Variants in SYNE1 observed in about 807,000 individuals in gnomAD.
The protein encoded by SYNE1 is spectrin repeat containing nuclear envelope protein 1, also known as nesprin-1.
SYNE1 carries 616 observed loss-of-function variants against 1,111.0 expected under a neutral mutation model. The observed-to-expected ratio is 0.55, with a 90% CI of 0.52 to 0.59. The LOEUF is 0.59. Ranked by LOEUF, SYNE1 falls within the 20% of genes least tolerant of loss-of-function variation. The pLI is 0.00. For missense variants in SYNE1, 10,006 were observed against 10,417.0 expected (o/e 0.96, Z 1.72); for synonymous variants, 3,855 against 3,825.8 (o/e 1.01, Z -0.28).
intron 39 of SYNE1, among the ~76,000 whole-genome samples, chr6:152,423,317 T>C (rs2098296993): frequency 6.6e-6 from 1 of 152,248 alleles, no homozygotes; most frequent in Admixed American, 6.5e-5. Flanking sequence ...ATCTCCATCC[T>C]GAAGGCTCCT....
At chr6:152,245,647 A>G (rs1225552947) in intron 105 of SYNE1, among the ~76,000 whole-genome samples, 2 of 152,200 alleles carry the variant, frequency 1.3e-5, no homozygotes, top group Admixed American at 1.3e-4. Context: ...AATACATGAT[A>G]ATTGACTTAG....
intron 99 of SYNE1, among the ~76,000 whole-genome samples, chr6:152,268,706 A>AG (rs2092951520): frequency 6.6e-6 from 1 of 152,206 alleles, no homozygotes; most frequent in Non-Finnish European, 1.5e-5. Context: ...TTGTTTCACT[A>AG]GGCAACAATT....
chr6:152,183,667 C>T (rs1221266573), intron 128 of SYNE1, among the ~76,000 whole-genome samples: 3 of 152,294 alleles, frequency 2.0e-5, no homozygotes, highest in South Asian at 4.2e-4. Flanking sequence ...ACACTGCCCC[C>T]GAATCTTGGC....
chr6:152,549,636 T>C (rs2099330345), intron 3 of SYNE1, among the ~76,000 whole-genome samples: 2 of 152,194 alleles, frequency 1.3e-5, no homozygotes, highest in African/African-American at 4.8e-5. Flanking sequence ...CTGACATGGA[T>C]TGATGCGAAG....
chr6:152,490,685 A>G (rs1477146046), intron 11 of SYNE1, among the ~76,000 whole-genome samples: 3 of 152,126 alleles, frequency 2.0e-5, no homozygotes, highest in African/African-American at 4.8e-5. Flanking sequence ...GGGTGATTAA[A>G]AAGCTTTATT....
chr6:152,622,041 T>C (rs1744378), intron 3 of SYNE1, among the ~76,000 whole-genome samples: 96,184 of 152,038 alleles, frequency 0.63, 30,871 homozygotes, highest in Non-Finnish European at 0.7. Flanking sequence ...AATAATTTAT[T>C]CATTTATTTA....
chr6:152,232,786 A>C (rs1429018818), intron 112 of SYNE1, among the ~76,000 whole-genome samples: 1 of 152,222 alleles, frequency 6.6e-6, no homozygotes. Context: ...ACAATTCGAA[A>C]TCTTACTTAA....
intron 120 of SYNE1, among the ~76,000 whole-genome samples, chr6:152,218,715 G>A (rs933914801): frequency 3.9e-5 from 6 of 152,092 alleles, no homozygotes; most frequent in Admixed American, 6.6e-5. Flanking sequence ...AAATAAACAC[G>A]AATATTTATA....
chr6:152,444,638 A>T (rs1327012953), intron 29 of SYNE1, 60 bp from the exon 30 acceptor site: 1 of 1,510,322 alleles, frequency 6.6e-7, no homozygotes. Flanking sequence ...AAGTTTGTAT[A>T]ATTTTTTTGG....
At position 152,447,545 on chromosome 6, in the gene SYNE1, A is replaced by G; in HGVS notation, c.3582T>C (p.Val1194=). The change falls in exon 29 of 146, where the codon GTT becomes GTC. Residue 1194 remains valine, a synonymous_variant. Coordinates refer to ENST00000367255, the MANE Select transcript of SYNE1 (RefSeq NM_182961.4). ...GCTTTTGGGCTTCATTCTCAGAAGA[A>G]ACTTCTGTCAAAACTTTCAGCCTGG... ...LKSRLKVLTE[V]SSENEAQKQG... 6.2e-7 allele frequency: 1 copy of G among 1,614,206 alleles called. No individual in the cohort carries two copies. Among genetic ancestry groups the G allele is most frequent in the Non-Finnish European group, 8.5e-7 (1 of 1,180,040 alleles).
At chr6:152,409,342 G>A in intron 43 of SYNE1, 116 bp from the exon 44 acceptor site, 1 of 1,136,644 alleles carries the variant, frequency 8.8e-7, no homozygotes, top group Non-Finnish European at 1.3e-6. Flanking sequence ...ATTAGTGATA[G>A]TGAGATTAAT....
chr6:152,268,057 C>T lies in SYNE1; in HGVS notation c.18814G>A (p.Gly6272Ser). ...HSAAETSGDAGEKPDVLSQEL... is the reference protein window; with the variant it reads ...HSAAETSGDASEKPDVLSQEL... The stretch of plus-strand genomic sequence containing the variant: ...AAATGGAAGCATTTTGAAACATACC[C>T]AGCATCACCAGAGGTCTCTGCCGCC... The change falls in exon 100 of 146, where the codon GGC becomes AGC. Residue 6272 changes from glycine (G) to serine (S), a missense_variant and splice_region_variant. Physicochemically the swap from Gly to Ser is moderately conservative, Grantham distance 56. Coordinates refer to ENST00000367255, the MANE Select transcript of SYNE1 (RefSeq NM_182961.4). 6.2e-7 allele frequency: 1 copy of T among 1,612,130 alleles called. No individual in the cohort carries two copies.
chr6:152,239,417 G>A (rs1161549068), intron 108 of SYNE1, 116 bp downstream of exon 108: 51 of 1,224,420 alleles, frequency 4.2e-5, no homozygotes, highest in Admixed American at 1.2e-4. Flanking sequence ...GCCCGAGAGC[G>A]CAGCTAGTTC....
chr6:152,145,461 G>T (rs763164477), intron 137 of SYNE1: 8 of 1,609,864 alleles, frequency 5.0e-6, no homozygotes, highest in Admixed American at 1.7e-5. Flanking sequence ...GAGGGAGGGA[G>T]GCTGGCTCCG....
At chr6:152,237,056 A>C in intron 108 of SYNE1, 108 bp from the exon 109 acceptor site, 2 of 1,466,246 alleles carry the variant, frequency 1.4e-6, no homozygotes, top group Non-Finnish European at 1.9e-6. Flanking sequence ...AAGTTATATC[A>C]GAGATGTTTG....
chr6:152,205,786 A>G (rs1005210189), intron 126 of SYNE1, among the ~76,000 whole-genome samples: 2 of 152,224 alleles, frequency 1.3e-5, no homozygotes, highest in African/African-American at 4.8e-5. Context: ...CTTCCATAAA[A>G]GAAGAGATAC....
At chr6:152,175,395 G>A (rs1405232400) in intron 130 of SYNE1, among the ~76,000 whole-genome samples, 2 of 152,204 alleles carry the variant, frequency 1.3e-5, no homozygotes, top group Non-Finnish European at 2.9e-5. Context: ...CACATGGTAC[G>A]CAGAGGACAT....
At chr6:152,482,899 T>C (rs906235678) in intron 14 of SYNE1, among the ~76,000 whole-genome samples, 186 bp downstream of exon 14, 2 of 152,346 alleles carry the variant, frequency 1.3e-5, no homozygotes, top group African/African-American at 2.4e-5. Context: ...GTCAACCCAC[T>C]GGAACCGTCA....
chr6:152,509,839 G>C (rs114406955), intron 8 of SYNE1, among the ~76,000 whole-genome samples: 4 of 152,074 alleles, frequency 2.6e-5, no homozygotes, highest in Non-Finnish European at 4.4e-5. Context: ...AGAGATAACC[G>C]AGTTTAAACT....
Sources: gnomAD v4.1 joint callset for allele counts (sites outside exome capture counted in the v4.1 genomes callset) on GRCh38, gnomAD v4.1.1 for gene constraint, MANE v1.5 for transcripts, NCBI Gene and HGNC (gene_info 2026-07-23, HGNC 2026-07-21) for gene names.